Variants in PLD5 observed in about 807,000 individuals in gnomAD.
The protein encoded by PLD5 is inactive phospholipase D5.
In PLD5, 36 loss-of-function variants were observed where a neutral mutation model predicts 61.1. The ratio of observed to expected loss-of-function variants is 0.59; its 90% CI spans 0.45 to 0.78. The LOEUF (loss-of-function observed/expected upper bound fraction) is 0.78. Ranked by LOEUF, PLD5 falls within the 30% of genes least tolerant of loss-of-function variation. PLD5 has a pLI of 0.00. For missense variants in PLD5, 515 were observed against 644.4 expected (o/e 0.80, Z 2.17); for synonymous variants, 243 against 242.8 (o/e 1.00, Z -0.01).
intron 1 of PLD5, among the ~76,000 whole-genome samples, chr1:242,413,014 T>C (rs565207896): frequency 8.5e-5 from 13 of 152,272 alleles, no homozygotes; most frequent in Non-Finnish European, 1.6e-4. Context: ...CTGGTGGGTG[T>C]GTAGTGATTT....
chr1:242,090,571 A>T (rs1232276421), intron 9 of PLD5, among the ~76,000 whole-genome samples: 1 of 152,186 alleles, frequency 6.6e-6, no homozygotes, highest in Admixed American at 6.5e-5. Context: ...GCCAGAGGAG[A>T]CTCAGTTCCT....
At chr1:242,228,696 G>A (rs1430531012) in intron 4 of PLD5, among the ~76,000 whole-genome samples, 3 of 151,800 alleles carry the variant, frequency 2.0e-5, no homozygotes, top group African/African-American at 7.3e-5. Flanking sequence ...TAGGGAGGGA[G>A]GGAAGGAAGG....
intron 5 of PLD5, among the ~76,000 whole-genome samples, chr1:242,145,714 C>T (rs1241942220): frequency 1.3e-5 from 2 of 152,096 alleles, no homozygotes; most frequent in Non-Finnish European, 2.9e-5. Flanking sequence ...GCCCTGTTGC[C>T]CAGGTTGGAG....
Position 242,484,455 on chromosome 1 carries a change from C to G in PLD5, c.189+39633G>C, listed in dbSNP as rs1338997275. On this transcript the variant is annotated intron_variant, in intron 1 of 9. Coordinates refer to ENST00000536534, the MANE Select transcript of PLD5 (RefSeq NM_001372062.1). ...CCTCTATGCAAATAAACTAGAAAAT[C>G]TAGAAGAAATGGATAAATTCCTCGA... Among the ~76,000 whole-genome samples the G allele has an allele frequency of 6.6e-5, 10 of 152,196 alleles. No homozygotes were observed. The East Asian group carries it at 1.9e-3, about 29-fold the overall frequency.
intron 5 of PLD5, among the ~76,000 whole-genome samples, chr1:242,133,609 TCTTC>T (rs1243062887): frequency 6.6e-6 from 1 of 152,164 alleles, no homozygotes; most frequent in Non-Finnish European, 1.5e-5. Flanking sequence ...TTTCCTTCTT[TCTTC>T]CTTCCCTCCC....
intron 1 of PLD5, among the ~76,000 whole-genome samples, chr1:242,378,888 A>G (rs139379623): frequency 2.6e-4 from 39 of 152,254 alleles, no homozygotes; most frequent in African/African-American, 9.1e-4. Context: ...AGAGAGAAGA[A>G]AAAAGGAAAA....
intron 1 of PLD5, among the ~76,000 whole-genome samples, chr1:242,412,513 CAAG>C (rs1664612290): frequency 1.3e-5 from 2 of 152,260 alleles, no homozygotes; most frequent in South Asian, 4.2e-4. Flanking sequence ...CCACCACAGT[CAAG>C]AAACTGGACA....
intron 4 of PLD5, among the ~76,000 whole-genome samples, chr1:242,238,602 A>C (rs747389700): frequency 6.6e-6 from 1 of 152,260 alleles, no homozygotes; most frequent in Non-Finnish European, 1.5e-5. Flanking sequence ...CTTTGCAGGG[A>C]AACTTAATTA....
intron 3 of PLD5, among the ~76,000 whole-genome samples, chr1:242,280,751 T>C (rs1396369870): frequency 6.6e-6 from 1 of 152,210 alleles, no homozygotes; most frequent in Non-Finnish European, 1.5e-5. Context: ...AAAAAAATTG[T>C]TAAGAAATTT....
chr1:242,089,651 A>T lies in PLD5; in HGVS notation c.*203T>A. The T allele has an allele frequency of 1.6e-6, 1 of 620,300 alleles. No homozygotes were observed. The highest frequency in any genetic ancestry group is 2.7e-6 in the Non-Finnish European group (1 of 372,610). 38.4% of individuals were successfully genotyped at this position (620,300 alleles called of 1,614,324 possible). A position where few individuals can be genotyped will look rare whatever the true frequency, so the allele number is the denominator to read the frequency against. ...ACGCCAGAATGACATTCTCTGTCAG[A>T]GGTAACAAATACAAAAGTCTTAATT... On this transcript the variant is annotated 3_prime_UTR_variant, in exon 10 of 10. Coordinates refer to ENST00000536534, the MANE Select transcript of PLD5 (RefSeq NM_001372062.1).
At chr1:242,217,137 C>T (rs1489778222) in intron 5 of PLD5, among the ~76,000 whole-genome samples, 1 of 152,174 alleles carries the variant, frequency 6.6e-6, no homozygotes, top group African/African-American at 2.4e-5. Flanking sequence ...CGAAGATGGG[C>T]AAGGAGATGA....
intron 1 of PLD5, among the ~76,000 whole-genome samples, chr1:242,438,510 T>C (rs1666119688): frequency 6.8e-6 from 1 of 147,978 alleles, no homozygotes; most frequent in African/African-American, 2.5e-5. Context: ...AATGGTGCAA[T>C]CTTGGCTCAC....
At chr1:242,152,351 G>T (rs1664993216) in intron 5 of PLD5, among the ~76,000 whole-genome samples, 1 of 151,854 alleles carries the variant, frequency 6.6e-6, no homozygotes, top group African/African-American at 2.4e-5. Flanking sequence ...TTAGGATAAT[G>T]TCCCTATTTT....
chr1:242,146,414 A>T (rs962481286), intron 5 of PLD5, among the ~76,000 whole-genome samples: 12 of 152,198 alleles, frequency 7.9e-5, no homozygotes, highest in Non-Finnish European at 1.8e-4. Context: ...TTGTTGATAC[A>T]TTATATTAGT....
rs367577812 is a variant in PLD5, at chr1:242,124,487, T to C, written c.914A>G (p.Lys305Arg). The C allele has an allele frequency of 1.7e-5, 28 of 1,613,834 alleles. No homozygotes were observed. The highest frequency in any genetic ancestry group is 3.3e-5 in the South Asian group (3 of 91,030). The change falls in exon 6 of 10, where the codon AAA becomes AGA. Residue 305 changes from lysine (K) to arginine (R), a missense_variant. By Grantham distance (26) the Lys-to-Arg change is conservative. Coordinates refer to ENST00000536534, the MANE Select transcript of PLD5 (RefSeq NM_001372062.1). ...KKLQLQLNET[K>R]SQAFVSNSPK... Reference sequence around the variant, plus strand: ...ACTCACCGATACAAATGCTTGAGATTTGGTTTCATTCAACTGAAGTTGCAA... The same window carrying C: ...ACTCACCGATACAAATGCTTGAGATCTGGTTTCATTCAACTGAAGTTGCAA...
chr1:242,202,917 G>A (rs1215883126), intron 5 of PLD5, among the ~76,000 whole-genome samples: 1 of 152,106 alleles, frequency 6.6e-6, no homozygotes, highest in Non-Finnish European at 1.5e-5. Context: ...GGGATGCCAG[G>A]TGTGAGAGGG....
chr1:242,412,707 T>C (rs1295453232), intron 1 of PLD5, among the ~76,000 whole-genome samples: 1 of 152,234 alleles, frequency 6.6e-6, no homozygotes, highest in African/African-American at 2.4e-5. Flanking sequence ...CCACAATTTA[T>C]GTAGCCATTC....
At chr1:242,126,148 T>C (rs900497736) in intron 5 of PLD5, among the ~76,000 whole-genome samples, 1 of 152,070 alleles carries the variant, frequency 6.6e-6, no homozygotes, top group African/African-American at 2.4e-5. Context: ...TACAAAACAC[T>C]GCTGAAAGAA....
chr1:242,497,789 T>C (rs74150733), intron 1 of PLD5, among the ~76,000 whole-genome samples: 3,074 of 152,326 alleles, frequency 0.02, 99 homozygotes, highest in African/African-American at 0.071. Flanking sequence ...TCATTTATAA[T>C]GTCCTCACAT....
Sources: gnomAD v4.1 joint callset for allele counts (sites outside exome capture counted in the v4.1 genomes callset) on GRCh38, gnomAD v4.1.1 for gene constraint, MANE v1.5 for transcripts, NCBI Gene and HGNC (gene_info 2026-07-23, HGNC 2026-07-21) for gene names.